Variants in KCTD16 observed in about 807,000 individuals in gnomAD.
KCTD16 encodes the protein BTB/POZ domain-containing protein KCTD16.
A neutral mutation model predicts 33.2 loss-of-function variants in KCTD16; 13 were observed. The ratio of observed to expected loss-of-function variants is 0.39; its 90% CI spans 0.25 to 0.62. The LOEUF is 0.62. Ranked by LOEUF, KCTD16 falls within the 20% of genes least tolerant of loss-of-function variation. KCTD16 has a pLI of 0.50. For synonymous variants in KCTD16, 197 were observed against 195.3 expected, an observed-to-expected ratio of 1.01 and a Z score of -0.07; for missense variants, 441 against 525.1, an observed-to-expected ratio of 0.84 and a Z score of 1.57.
At chr5:144,211,525 C>A (rs896072457) in intron 3 of KCTD16, among the ~76,000 whole-genome samples, 1 of 152,234 alleles carries the variant, frequency 6.6e-6, no homozygotes, top group African/African-American at 2.4e-5. Flanking sequence ...CTATTGTATA[C>A]AATTACATTA....
chr5:144,310,536 A>T (rs1580863127), intron 3 of KCTD16, among the ~76,000 whole-genome samples: 1 of 152,012 alleles, frequency 6.6e-6, no homozygotes, highest in African/African-American at 2.4e-5. Context: ...TGAGTTTATT[A>T]TACAACCTAT....
chr5:144,299,185 T>C (rs1415496614), intron 3 of KCTD16, among the ~76,000 whole-genome samples: 1 of 130,322 alleles, frequency 7.7e-6, no homozygotes, highest in Non-Finnish European at 1.6e-5. Flanking sequence ...CTGAGCTGTT[T>C]AATGTTGCCC....
chr5:144,180,994 G>A (rs1752611663), intron 2 of KCTD16, among the ~76,000 whole-genome samples: 1 of 151,010 alleles, frequency 6.6e-6, no homozygotes, highest in African/African-American at 2.4e-5. Flanking sequence ...GTGCAGTGGC[G>A]CGATCTCGGC....
At chr5:144,205,444 C>T (rs1580785803) in intron 2 of KCTD16, 7 of 398,626 alleles carry the variant, frequency 1.8e-5, no homozygotes, top group Non-Finnish European at 2.7e-5. Context: ...CCAGAGAAGC[C>T]GGAGCCCCGG....
At chr5:144,235,339 A>C (rs1754221085) in intron 3 of KCTD16, among the ~76,000 whole-genome samples, 2 of 152,076 alleles carry the variant, frequency 1.3e-5, no homozygotes, top group Non-Finnish European at 2.9e-5. Context: ...AGAGAGGCAA[A>C]AGCACTCTAT....
At chr5:144,213,209 AT>A (rs1392907032) in intron 3 of KCTD16, among the ~76,000 whole-genome samples, 1 of 151,520 alleles carries the variant, frequency 6.6e-6, no homozygotes, top group African/African-American at 2.4e-5. Flanking sequence ...ATATTATATT[AT>A]ATTTGTTTGC....
At chr5:144,458,608 C>T (rs576432839) in intron 3 of KCTD16, among the ~76,000 whole-genome samples, 2 of 152,316 alleles carry the variant, frequency 1.3e-5, no homozygotes, top group South Asian at 4.1e-4. Flanking sequence ...TATTTGCTTA[C>T]TTATTCAGCT....
At chr5:144,208,232 A>G (rs1753252913) in intron 3 of KCTD16, among the ~76,000 whole-genome samples, 1 of 152,224 alleles carries the variant, frequency 6.6e-6, no homozygotes, top group South Asian at 2.1e-4. Context: ...AGAATTGTCA[A>G]TCACATTTAA....
chr5:144,269,600 G>T (rs138868794), intron 3 of KCTD16, among the ~76,000 whole-genome samples: 13 of 152,138 alleles, frequency 8.5e-5, no homozygotes, highest in African/African-American at 3.1e-4. Context: ...GTATAAGGGA[G>T]CCCTGCAAAG....
chr5:144,397,683 G>A (rs1244475606), intron 3 of KCTD16, among the ~76,000 whole-genome samples: 2 of 152,150 alleles, frequency 1.3e-5, no homozygotes, highest in Non-Finnish European at 1.5e-5. Flanking sequence ...GGCCAGTGAT[G>A]ATGATTTAAA....
chr5:144,173,625 A>T (rs1752439714), intron 1 of KCTD16, among the ~76,000 whole-genome samples: 1 of 152,202 alleles, frequency 6.6e-6, no homozygotes, highest in East Asian at 1.9e-4. Flanking sequence ...CTTAAAATTT[A>T]AAAAATTTGC....
At chr5:144,285,981 T>TTC (rs1491479260) in intron 3 of KCTD16, among the ~76,000 whole-genome samples, 4 of 140,626 alleles carry the variant, frequency 2.8e-5, no homozygotes, top group African/African-American at 1.0e-4. Context: ...TTTTTTTTTT[T>TTC]CAGATAAAAG....
chr5:144,300,141 A>G (rs1751390016), intron 3 of KCTD16, among the ~76,000 whole-genome samples: 1 of 152,168 alleles, frequency 6.6e-6, no homozygotes, highest in Admixed American at 6.5e-5. Context: ...TTGTATTATT[A>G]ATATTACCAG....
chr5:144,299,134 ATATATATATATATATTTT>A (rs1751331499), intron 3 of KCTD16, among the ~76,000 whole-genome samples: 3 of 29,786 alleles, frequency 1.0e-4, no homozygotes, highest in African/African-American at 3.7e-4. Context: ...ATATATATAT[ATATATATATATATATTTT>A]TTTTTTTTTT....
At chr5:144,366,097 T>G (rs185681509) in intron 3 of KCTD16, among the ~76,000 whole-genome samples, 8 of 152,308 alleles carry the variant, frequency 5.3e-5, no homozygotes, top group African/African-American at 1.7e-4. Flanking sequence ...CCTTGGAATG[T>G]ACACTCATAC....
intron 3 of KCTD16, among the ~76,000 whole-genome samples, chr5:144,338,608 G>T (rs138886191): frequency 6.6e-6 from 1 of 152,328 alleles, no homozygotes; most frequent in African/African-American, 2.4e-5. Context: ...GACAACAGAT[G>T]AGTTTGAACA....
intron 3 of KCTD16, among the ~76,000 whole-genome samples, chr5:144,457,031 G>C (rs1754081647): frequency 6.6e-6 from 1 of 152,144 alleles, no homozygotes; most frequent in Admixed American, 6.5e-5. Flanking sequence ...GGTAGCTGAG[G>C]AAACAAACTA....
At chr5:144,457,021 G>T (rs1164527472) in intron 3 of KCTD16, among the ~76,000 whole-genome samples, 1 of 152,150 alleles carries the variant, frequency 6.6e-6, no homozygotes, top group Non-Finnish European at 1.5e-5. Flanking sequence ...CTTCAAGTGA[G>T]GTAGCTGAGG....
intron 2 of KCTD16, among the ~76,000 whole-genome samples, chr5:144,176,784 G>A (rs905685803): frequency 6.6e-6 from 1 of 152,144 alleles, no homozygotes; most frequent in Non-Finnish European, 1.5e-5. Flanking sequence ...TACTGCAAGC[G>A]TGATATATTA....
Sources: gnomAD v4.1 joint callset for allele counts (sites outside exome capture counted in the v4.1 genomes callset) on GRCh38, gnomAD v4.1.1 for gene constraint, MANE v1.5 for transcripts, NCBI Gene and HGNC (gene_info 2026-07-23, HGNC 2026-07-21) for gene names.